GOPC: variants seen among roughly 807,000 people sequenced by gnomAD.
GOPC encodes the protein Golgi-associated PDZ and coiled-coil motif-containing protein.
Under a neutral mutation model 51.2 loss-of-function variants are expected in GOPC, and 32 were observed. That is an observed-to-expected ratio of 0.63 (90% confidence interval 0.47 to 0.84). The LOEUF is 0.84. Ranked by LOEUF, GOPC falls within the 40% of genes least tolerant of loss-of-function variation. The probability of loss-of-function intolerance (pLI) is 0.00; values close to 1 mark genes in which losing one functional copy is unlikely to be tolerated. For missense variants in GOPC, 441 were observed against 555.5 expected, an observed-to-expected ratio of 0.79 and a Z score of 2.07; for synonymous variants, 190 against 205.1, an observed-to-expected ratio of 0.93 and a Z score of 0.63.
At chr6:117,573,904 A>T (rs1779842452) in intron 4 of GOPC, among the ~76,000 whole-genome samples, 1 of 152,208 alleles carries the variant, frequency 6.6e-6, no homozygotes, top group African/African-American at 2.4e-5. Context: ...AAATCTAAAA[A>T]AAAATTTATG....
intron 1 of GOPC, among the ~76,000 whole-genome samples, chr6:117,579,814 T>C (rs1011745810): frequency 2.0e-5 from 3 of 152,066 alleles, no homozygotes; most frequent in African/African-American, 7.2e-5. Context: ...GCTAAGCATC[T>C]AAGGGCCCAG....
At chr6:117,596,351 T>G (rs1019674563) in intron 1 of GOPC, among the ~76,000 whole-genome samples, 1 of 152,218 alleles carries the variant, frequency 6.6e-6, no homozygotes, top group East Asian at 1.9e-4. Flanking sequence ...GGTTGTCTGT[T>G]TACTCTGATT....
At chr6:117,580,012 G>A (rs953921782) in intron 1 of GOPC, among the ~76,000 whole-genome samples, 1 of 151,948 alleles carries the variant, frequency 6.6e-6, no homozygotes, top group African/African-American at 2.4e-5. Flanking sequence ...TCAAACTAAA[G>A]GAAGGCTTAA....
intron 7 of GOPC, 94 bp downstream of exon 7, chr6:117,569,478 T>C (rs1272320464): frequency 3.3e-6 from 5 of 1,492,772 alleles, no homozygotes; most frequent in Non-Finnish European, 4.5e-6. Flanking sequence ...GTAAACACTT[T>C]ACTACTTTAG....
At position 117,563,244 on chromosome 6, in the gene GOPC, T is replaced by C; in HGVS notation, c.*10A>G. ...TCTGATTAACAATCTTGTCTGGAGA[T>C]ATGGTCAATTTAATAAGATTTTTTA... On this transcript the variant is annotated 3_prime_UTR_variant, in exon 9 of 9. Coordinates refer to ENST00000368498, the MANE Select transcript of GOPC (RefSeq NM_020399.4). The C allele has an allele frequency of 6.2e-7, 1 of 1,610,282 alleles. No individual in the cohort carries two copies. Among genetic ancestry groups the C allele is most frequent in the Non-Finnish European group, 8.5e-7 (1 of 1,177,098 alleles).
rs1337900116 is a variant in GOPC at position 117,569,666 on chromosome 6, C to G, written c.983G>C (p.Gly328Ala). 2 of 1,611,482 alleles carry G rather than the reference C, an allele frequency of 1.2e-6. No individual in the cohort carries two copies. Among genetic ancestry groups the G allele is most frequent in the East Asian group, 2.2e-5 (1 of 44,724 alleles). Residue 328 changes from glycine (G) to alanine (A), a missense_variant, in exon 7 of 9, where the codon GGA becomes GCA. Gly to Ala is a moderately conservative substitution (Grantham distance 60). Transcript: ENST00000368498. The part of the protein sequence containing the change: ...IHPGQPADRC[G>A]GLHVGDAILA... The stretch of plus-strand genomic sequence containing the variant: ...AATAGCATCCCCAACGTGCAGCCCT[C>G]CGCATCTATCAGCAGGTTGCCCCGG...
In GOPC at chr6:117,578,955, T is replaced by C; in HGVS notation, c.395A>G (p.Gln132Arg). The change falls in exon 2 of 9, where the codon CAG becomes CGG. Residue 132 changes from glutamine to arginine, a missense_variant. Gln to Arg is a conservative substitution (Grantham distance 43, BLOSUM62 1). Around this residue, in one of 3 missense-constraint regions of GOPC, gnomAD observed 204 missense variants for 219.8 expected, o/e 0.93. Coordinates refer to ENST00000368498, the MANE Select transcript of GOPC (RefSeq NM_020399.4). ...QLLQLHSIQL[Q>R]LHAKTGQSAD... ...ACTTTGACCAGTTTTAGCATGAAGC[T>C]GCAGCTGAATAGAGTGCAGCTGTAA... is the stretch of plus-strand genomic sequence containing the variant. 6.2e-7 allele frequency: 1 copy of C among 1,611,586 alleles called. No individual in the cohort carries two copies. Among genetic ancestry groups the C allele is most frequent in the Non-Finnish European group, 8.5e-7 (1 of 1,179,084 alleles).
intron 8 of GOPC, among the ~76,000 whole-genome samples, chr6:117,564,156 T>A (rs1287991157): frequency 6.6e-6 from 1 of 152,068 alleles, no homozygotes; most frequent in African/African-American, 2.4e-5. Context: ...TTTTAAAAAT[T>A]TTTTTGAAGA....
chr6:117,602,273 G>A lies in GOPC; in HGVS notation c.16C>T (p.Pro6Ser). 6.3e-7 allele frequency: 1 copy of A among 1,590,686 alleles called. No individual in the cohort carries two copies. Among genetic ancestry groups the A allele is most frequent in the East Asian group, 2.3e-5 (1 of 44,224 alleles). Residue 6 changes from proline to serine, a missense_variant, in exon 1 of 9, where the codon CCA becomes TCA. Around this residue, in one of 3 missense-constraint regions of GOPC, gnomAD observed 204 missense variants for 219.8 expected, o/e 0.93. Coordinates refer to ENST00000368498, the MANE Select transcript of GOPC (RefSeq NM_020399.4). Reference protein sequence around the residue: MSAGGPCPAAAGGGPG... With the variant: MSAGGSCPAAAGGGPG... ...CCCCCTCCGGCTGCTGCTGGGCATG[G>A]ACCGCCCGCCGACATGGCGCCGTCA...
intron 1 of GOPC, among the ~76,000 whole-genome samples, chr6:117,588,581 A>C (rs1780067401): frequency 6.6e-6 from 1 of 152,102 alleles, no homozygotes; most frequent in African/African-American, 2.4e-5. Context: ...TTAAGCCAGG[A>C]ATTTAAAGGT....
rs549576444 is a variant in GOPC at position 117,589,711 on chromosome 6, T to C, written c.286-10647A>G. On this transcript the variant is annotated intron_variant, in intron 1 of 8. Transcript: ENST00000368498. ...GGGATGTGAAATGGAAACCAGTTGA[T>C]AAATCTGACAAGTAATTTGCCGTAA... 3.3e-5 allele frequency among the ~76,000 whole-genome samples: 5 copies of C among 152,310 alleles called. No individual in the cohort carries two copies. In the South Asian group the frequency reaches 1.0e-3, roughly 32 times the overall value.
rs1369569964 is a variant in GOPC at position 117,561,177 on chromosome 6, T to TCAGTC, written c.*2072_*2076dup. ...ACCTGGAAACTTTTCATTCTATTTATCAGTCCTTAAAAGGAATTTATATCA... is the reference window on the plus strand; with the variant it reads ...ACCTGGAAACTTTTCATTCTATTTATCAGTCCAGTCCTTAAAAGGAATTTATATCA... On this transcript the variant is annotated 3_prime_UTR_variant, in exon 9 of 9. Coordinates refer to ENST00000368498, the MANE Select transcript of GOPC (RefSeq NM_020399.4). 1.3e-5 allele frequency: 3 copies of TCAGTC among 223,848 alleles called. No homozygotes were observed. The highest frequency in any genetic ancestry group is 2.7e-5 in the Non-Finnish European group (3 of 112,294). 13.9% of individuals were successfully genotyped at this position (223,848 alleles called of 1,614,324 possible).
chr6:117,577,510 A>G, intron 2 of GOPC, 39 bp from the exon 3 acceptor site: 1 of 1,509,650 alleles, frequency 6.6e-7, no homozygotes, highest in Non-Finnish European at 9.1e-7. Flanking sequence ...TTAGAAAAAG[A>G]TCAAACAAAT....
chr6:117,600,460 C>T (rs982448818), intron 1 of GOPC, among the ~76,000 whole-genome samples: 1 of 152,114 alleles, frequency 6.6e-6, no homozygotes, highest in African/African-American at 2.4e-5. Context: ...GGGACACATT[C>T]GAATTATACC....
intron 2 of GOPC, among the ~76,000 whole-genome samples, chr6:117,578,283 A>T (rs1779911228): frequency 6.6e-6 from 1 of 152,154 alleles, no homozygotes; most frequent in Non-Finnish European, 1.5e-5. Context: ...AAATGCTGGC[A>T]AAAATTACTG....
chr6:117,599,737 C>G (rs905468892), intron 1 of GOPC, among the ~76,000 whole-genome samples: 9 of 152,172 alleles, frequency 5.9e-5, no homozygotes, highest in African/African-American at 2.2e-4. Context: ...GACATAAAGT[C>G]AGAATGTGTG....
intron 1 of GOPC, among the ~76,000 whole-genome samples, chr6:117,591,042 G>A (rs1424716879): frequency 6.6e-6 from 1 of 152,110 alleles, no homozygotes; most frequent in Non-Finnish European, 1.5e-5. Context: ...AGTAGAGATG[G>A]GGTTTCCCCA....
chr6:117,564,443 G>C (rs1779652215), intron 8 of GOPC, among the ~76,000 whole-genome samples: 1 of 152,068 alleles, frequency 6.6e-6, no homozygotes, highest in African/African-American at 2.4e-5. Context: ...AATGTAATTT[G>C]TTGGCAAGAT....
chr6:117,591,418 T>TA (rs1780115131), intron 1 of GOPC, among the ~76,000 whole-genome samples: 1 of 152,212 alleles, frequency 6.6e-6, no homozygotes. Flanking sequence ...GCTTACATTC[T>TA]AGAGGTAGAA....
Sources: gnomAD v4.1 joint callset for allele counts (sites outside exome capture counted in the v4.1 genomes callset) on GRCh38, gnomAD v4.1.1 for gene constraint, gnomAD v4.1.1 regional missense constraint, MANE v1.5 for transcripts, NCBI Gene and HGNC (gene_info 2026-07-23, HGNC 2026-07-21) for gene names.